Variants in OTUD3 observed in about 807,000 individuals in gnomAD.
OTUD3 encodes OTU domain-containing protein 3.
In OTUD3, 24 loss-of-function variants were observed where a neutral mutation model predicts 46.2. That is an observed-to-expected ratio of 0.52 (90% CI 0.38 to 0.73). OTUD3 has a LOEUF of 0.73. Among genes scored for constraint, OTUD3 ranks in the 30% least tolerant of loss-of-function variants. The pLI is 0.00. For missense variants in OTUD3, 455 were observed against 523.3 expected (o/e 0.87, Z 1.27); for synonymous variants, 189 against 195.4 (o/e 0.97, Z 0.27).
chr1:19,882,794 G>T, intron 1 of OTUD3, 60 bp downstream of exon 1: 1 of 1,240,456 alleles, frequency 8.1e-7, no homozygotes, highest in Non-Finnish European at 1.0e-6. Flanking sequence ...TCGGCCTGGC[G>T]ACCGTTGCCC....
chr1:19,883,350 G>A (rs2045303375), intron 1 of OTUD3, among the ~76,000 whole-genome samples: 1 of 152,166 alleles, frequency 6.6e-6, no homozygotes, highest in African/African-American at 2.4e-5. Flanking sequence ...GCTTTCTTTA[G>A]GGAACGCGGA....
chr1:19,884,374 C>T (rs779619637), intron 1 of OTUD3, among the ~76,000 whole-genome samples: 36 of 152,108 alleles, frequency 2.4e-4, no homozygotes, highest in Non-Finnish European at 2.6e-4. Flanking sequence ...TACTTCTGCT[C>T]CCTATCCCCA....
At chr1:19,888,683 G>T (rs1257885211) in intron 1 of OTUD3, among the ~76,000 whole-genome samples, 1 of 152,170 alleles carries the variant, frequency 6.6e-6, no homozygotes, top group Non-Finnish European at 1.5e-5. Context: ...TTTCCCCTGA[G>T]GGATGGTAAT....
chr1:19,907,637 G>T lies in OTUD3; in HGVS notation c.1088G>T (p.Arg363Leu). The T allele has an allele frequency of 6.2e-7, 1 of 1,614,154 alleles. No homozygotes were observed. Among genetic ancestry groups the T allele is most frequent in the East Asian group, 2.2e-5 (1 of 44,876 alleles). The change falls in exon 8 of 8, where the codon CGC becomes CTC. Residue 363 changes from arginine (R) to leucine (L), a missense_variant. Coordinates refer to ENST00000375120, the MANE Select transcript of OTUD3 (RefSeq NM_015207.2). ...AAGAAGCGGCAGGAGGAGAGGCACC[G>T]CCACAAAGCCCTGGAGAGCAGAGGT... ...EKKKRQEERH[R>L]HKALESRGSH...
At position 19,904,344 on chromosome 1, in the gene OTUD3, GA is replaced by G; in HGVS notation, c.685del (p.Arg229GlufsTer4). 4 of 1,612,908 alleles carry G rather than the reference GA, an allele frequency of 2.5e-6. No individual in the cohort carries two copies. Among genetic ancestry groups the G allele is most frequent in the Non-Finnish European group, 3.4e-6 (4 of 1,179,104 alleles). Reference sequence around the variant, plus strand: ...AGGGAATGGACTCTGAAGACGACCTGAGAGATGAAGTAGAGGATGCTGTCCA... The same window carrying G: ...AGGGAATGGACTCTGAAGACGACCTGGAGATGAAGTAGAGGATGCTGTCCA... The part of the protein sequence containing the change: ...TKGMDSEDDL[R>X]DEVEDAVQKV... On this transcript the variant is annotated frameshift_variant, in exon 5 of 8. Coordinates refer to ENST00000375120, the MANE Select transcript of OTUD3 (RefSeq NM_015207.2). LOFTEE classifies it high-confidence loss of function.
At chr1:19,892,585 A>G (rs2045462512) in intron 2 of OTUD3, among the ~76,000 whole-genome samples, 1 of 152,096 alleles carries the variant, frequency 6.6e-6, no homozygotes, top group Non-Finnish European at 1.5e-5. Context: ...CCAACTGTAC[A>G]AGTATCCAGG....
chr1:19,885,049 A>G (rs1571156668), intron 1 of OTUD3, among the ~76,000 whole-genome samples: 2 of 152,190 alleles, frequency 1.3e-5, no homozygotes, highest in Non-Finnish European at 2.9e-5. Flanking sequence ...GGAGTACACC[A>G]AGAGAACGGT....
At chr1:19,891,365 T>C (rs544927108) in intron 2 of OTUD3, among the ~76,000 whole-genome samples, 1 of 152,368 alleles carries the variant, frequency 6.6e-6, no homozygotes, top group East Asian at 1.9e-4. Flanking sequence ...ACAGGGCTTA[T>C]AGTCTTTTCT....
intron 1 of OTUD3, among the ~76,000 whole-genome samples, chr1:19,885,890 A>G (rs1451120679): frequency 6.6e-6 from 1 of 152,244 alleles, no homozygotes; most frequent in Non-Finnish European, 1.5e-5. Context: ...AGCCTGATAC[A>G]GTATCTATGA....
chr1:19,904,825 G>A, intron 5 of OTUD3, 66 bp from the exon 6 acceptor site: 1 of 764,610 alleles, frequency 1.3e-6, no homozygotes, highest in Non-Finnish European at 2.3e-6. Context: ...TATTGAAGTA[G>A]AGCTAGGCAG....
At chr1:19,897,485 C>T (rs2045531856) in intron 3 of OTUD3, 55 bp from the exon 4 acceptor site, 1 of 1,598,522 alleles carries the variant, frequency 6.3e-7, no homozygotes, top group Non-Finnish European at 8.5e-7. Flanking sequence ...TGTTTCTCTC[C>T]AGAAGTTGAT....
At chr1:19,906,889 G>C (rs989594506) in intron 7 of OTUD3, 2 of 270,414 alleles carry the variant, frequency 7.4e-6, no homozygotes, top group African/African-American at 4.4e-5. Context: ...TACTGTACAT[G>C]TGGGCTCTTC....
intron 4 of OTUD3, among the ~76,000 whole-genome samples, chr1:19,899,604 G>T (rs920551560): frequency 1.3e-5 from 2 of 152,210 alleles, no homozygotes; most frequent in Non-Finnish European, 2.9e-5. Context: ...TTTCACTCAT[G>T]TATCTGTGGG....
rs1010511741 is a variant in OTUD3, at chr1:19,912,370, T to G, written c.*4624T>G. The G allele has an allele frequency of 1.3e-5, 2 of 152,444 alleles. No individual in the cohort carries two copies. The highest frequency in any genetic ancestry group is 2.9e-5 in the Non-Finnish European group (2 of 68,088). The allele number at this position is 152,444 out of a possible 1,614,324, so 9.4% of individuals were successfully genotyped here. ...TTCACACATTTTCCCACTCTTACAGTTCATTTTTCATAGTAGGAAGGGCCC... is the reference window on the plus strand; with the variant it reads ...TTCACACATTTTCCCACTCTTACAGGTCATTTTTCATAGTAGGAAGGGCCC... On this transcript the variant is annotated 3_prime_UTR_variant, in exon 8 of 8. Coordinates refer to ENST00000375120, the MANE Select transcript of OTUD3 (RefSeq NM_015207.2).
intron 1 of OTUD3, among the ~76,000 whole-genome samples, chr1:19,884,962 G>A (rs955593543): frequency 2.0e-5 from 3 of 152,086 alleles, no homozygotes; most frequent in African/African-American, 4.8e-5. Flanking sequence ...TCGTTCATTC[G>A]GTAAATACTC....
intron 4 of OTUD3, 75 bp from the exon 5 acceptor site, chr1:19,904,192 A>G: frequency 1.7e-6 from 2 of 1,194,056 alleles, no homozygotes; most frequent in Non-Finnish European, 2.3e-6. Context: ...TCCAGATTAG[A>G]GTGTCTTGTG....
chr1:19,904,316 C>T lies in OTUD3; in HGVS notation c.656C>T (p.Thr219Ile). The change falls in exon 5 of 8, where the codon ACA (threonine) becomes ATA (isoleucine). Residue 219 changes from threonine to isoleucine, a missense_variant. Thr to Ile is a moderately conservative substitution (Grantham distance 89). Transcript: ENST00000375120. Reference protein sequence around the residue: ...DESNKREKIKTKGMDSEDDLR... With the variant: ...DESNKREKIKIKGMDSEDDLR... ...TCAAATAAAAGAGAAAAGATCAAGA[C>T]AAAGGGAATGGACTCTGAAGACGAC... is the stretch of plus-strand genomic sequence containing the variant. 1 of 1,611,142 alleles carries T rather than the reference C, an allele frequency of 6.2e-7. No homozygotes were observed. Among genetic ancestry groups the T allele is most frequent in the Non-Finnish European group, 8.5e-7 (1 of 1,178,150 alleles).
chr1:19,897,515 G>C, intron 3 of OTUD3, 25 bp from the exon 4 acceptor site: 1 of 1,612,682 alleles, frequency 6.2e-7, no homozygotes, highest in Non-Finnish European at 8.5e-7. Flanking sequence ...ATCCTCACTG[G>C]CATGGCCCCT....
chr1:19,882,478 T>A lies in OTUD3; in HGVS notation c.-36T>A. The stretch of plus-strand genomic sequence containing the variant: ...GGCGGACGCTGGGGGGTCCTGCGCC[T>A]TTCCCTCCTGCCGCTGGGGACTGCA... On this transcript the variant is annotated 5_prime_UTR_variant, in exon 1 of 8. Transcript: ENST00000375120. 1.5e-6 allele frequency: 2 copies of A among 1,344,076 alleles called. No individual in the cohort carries two copies. Among genetic ancestry groups the A allele is most frequent in the Non-Finnish European group, 1.9e-6 (2 of 1,053,322 alleles). 83.3% of individuals were successfully genotyped at this position (1,344,076 alleles called of 1,614,324 possible).
Sources: allele counts gnomAD v4.1 joint callset (sites outside exome capture counted in the v4.1 genomes callset), GRCh38; gene constraint gnomAD v4.1.1; transcripts MANE v1.5; gene names NCBI Gene and HGNC (gene_info 2026-07-23, HGNC 2026-07-21).